SYT13: variants seen among roughly 807,000 people sequenced by gnomAD.
SYT13 encodes the protein synaptotagmin 13, also known as synaptotagmin-13.
SYT13 carries 21 observed loss-of-function variants against 38.6 expected under a neutral mutation model. That is an observed-to-expected ratio of 0.54 (90% CI 0.39 to 0.78). The LOEUF (loss-of-function observed/expected upper bound fraction) is 0.78, where lower values mean the gene tolerates loss of function less well. Ranked by LOEUF, SYT13 falls within the 30% of genes least tolerant of loss-of-function variation. The probability of loss-of-function intolerance (pLI) is 0.00; values close to 1 mark genes in which losing one functional copy is unlikely to be tolerated. For missense variants in SYT13, 495 were observed against 548.7 expected, an observed-to-expected ratio of 0.90 and a Z score of 0.98; for synonymous variants, 241 against 237.6, an observed-to-expected ratio of 1.01 and a Z score of -0.13.
At chr11:45,282,269 C>G (rs1029409740) in intron 1 of SYT13, among the ~76,000 whole-genome samples, 1 of 152,212 alleles carries the variant, frequency 6.6e-6, no homozygotes, top group Non-Finnish European at 1.5e-5. Flanking sequence ...CGTAGTAAAA[C>G]TGAATTCCTT....
chr11:45,274,610 T>C (rs973535439), intron 1 of SYT13, among the ~76,000 whole-genome samples: 1 of 152,192 alleles, frequency 6.6e-6, no homozygotes, highest in African/African-American at 2.4e-5. Context: ...CATTCAGAAA[T>C]GCAGAATAAG....
chr11:45,247,401 C>T (rs964483686), intron 4 of SYT13, among the ~76,000 whole-genome samples: 1 of 152,174 alleles, frequency 6.6e-6, no homozygotes, highest in South Asian at 2.1e-4. Context: ...AAGGAAGAGG[C>T]AGATGTGTGG....
chr11:45,278,132 A>T (rs542390703), intron 1 of SYT13, among the ~76,000 whole-genome samples: 13 of 152,298 alleles, frequency 8.5e-5, no homozygotes, highest in African/African-American at 3.1e-4. Context: ...CTTTGTGTGC[A>T]CGTGTGTTGA....
intron 5 of SYT13, 105 bp from the exon 6 acceptor site, chr11:45,244,461 T>G: frequency 7.3e-7 from 1 of 1,366,698 alleles, no homozygotes. Flanking sequence ...GCTGGAAAGA[T>G]GCTCAAGAGT....
chr11:45,266,298 G>A (rs2135901437), intron 1 of SYT13, among the ~76,000 whole-genome samples: 1 of 152,226 alleles, frequency 6.6e-6, no homozygotes, highest in African/African-American at 2.4e-5. Flanking sequence ...CGTACTCTAG[G>A]GAAGAGGAAG....
chr11:45,263,294 C>T (rs978834401), intron 1 of SYT13, among the ~76,000 whole-genome samples: 4 of 152,190 alleles, frequency 2.6e-5, no homozygotes, highest in African/African-American at 9.7e-5. Flanking sequence ...TGTTGGAAAA[C>T]CAAAACTTAA....
At chr11:45,272,219 A>G (rs1490715681) in intron 1 of SYT13, among the ~76,000 whole-genome samples, 1 of 152,186 alleles carries the variant, frequency 6.6e-6, no homozygotes, top group Non-Finnish European at 1.5e-5. Context: ...GGGGAGGGAT[A>G]GCATTAGGAG....
intron 1 of SYT13, among the ~76,000 whole-genome samples, chr11:45,265,300 C>G (rs2902431): frequency 0.013 from 2,021 of 152,336 alleles, 41 homozygotes; most frequent in African/African-American, 0.046. Context: ...ACAATTTGGC[C>G]GCTCAGGCGA....
At chr11:45,259,148 C>T (rs1375328345) in intron 1 of SYT13, among the ~76,000 whole-genome samples, 1 of 152,134 alleles carries the variant, frequency 6.6e-6, no homozygotes, top group Admixed American at 6.5e-5. Flanking sequence ...TCTCAGGGGC[C>T]CACCCACTGC....
chr11:45,243,947 ATC>A lies in SYT13; in HGVS notation c.*103_*104del. On this transcript the variant is annotated 3_prime_UTR_variant, in exon 6 of 6. Transcript: ENST00000020926. ...AGAGCCATCCCAGCCTTGCAAACAC[ATC>A]TGTCACTGTCTTCTGGGTGTCAGAA... is the stretch of plus-strand genomic sequence containing the variant. The A allele has an allele frequency of 8.1e-7, 1 of 1,239,052 alleles. No individual in the cohort carries two copies. Among genetic ancestry groups the A allele is most frequent in the South Asian group, 1.4e-5 (1 of 69,274 alleles). The allele number at this position is 1,239,052 out of a possible 1,614,324, so 76.8% of individuals were successfully genotyped here.
At chr11:45,246,619 A>C in intron 4 of SYT13, 107 bp from the exon 5 acceptor site, 1 of 1,463,622 alleles carries the variant, frequency 6.8e-7, no homozygotes, top group South Asian at 1.4e-5. Flanking sequence ...TCCAACACGC[A>C]TCCTTGAAAC....
At chr11:45,254,898 G>A (rs1164839688) in intron 2 of SYT13, among the ~76,000 whole-genome samples, 2 of 152,096 alleles carry the variant, frequency 1.3e-5, no homozygotes, top group Non-Finnish European at 2.9e-5. Flanking sequence ...AAGACCACTT[G>A]AGCCCAGGAA....
At chr11:45,269,862 A>G (rs1014570539) in intron 1 of SYT13, among the ~76,000 whole-genome samples, 1 of 152,260 alleles carries the variant, frequency 6.6e-6, no homozygotes, top group Non-Finnish European at 1.5e-5. Context: ...GTGTCACATC[A>G]TTAGATGTCA....
chr11:45,256,970 C>T (rs1350084431), intron 1 of SYT13, among the ~76,000 whole-genome samples: 1 of 152,148 alleles, frequency 6.6e-6, no homozygotes, highest in Non-Finnish European at 1.5e-5. Flanking sequence ...GGTGTCAGCT[C>T]ACAGGGAGCA....
chr11:45,248,925 TC>T (rs1167242059), intron 4 of SYT13, among the ~76,000 whole-genome samples: 2 of 152,236 alleles, frequency 1.3e-5, no homozygotes, highest in Non-Finnish European at 2.9e-5. Flanking sequence ...ACTAAAGTAA[TC>T]CTTTCTTTCT....
In SYT13 at chr11:45,279,140, G is replaced by A. The variant is rs1463295810; in HGVS notation, c.183+6885C>T. On this transcript the variant is annotated intron_variant, in intron 1 of 5. Coordinates refer to ENST00000020926, the MANE Select transcript of SYT13 (RefSeq NM_020826.3). The stretch of plus-strand genomic sequence containing the variant: ...CTAATCTTCAACCTAGTCGTCAAAA[G>A]TGTGGGCTCTGAAGCCAAATTTTGT... Among the ~76,000 whole-genome samples, 3 of 152,220 alleles carry A rather than the reference G, an allele frequency of 2.0e-5. No individual in the cohort carries two copies. The East Asian group carries it at 5.8e-4, about 29-fold the overall frequency.
In SYT13 at chr11:45,243,184, A is replaced by C. The variant is rs1184733475; in HGVS notation, c.*868T>G. ...GGGATGGTCTCCCCAAGGATAATAG[A>C]AACTGATTTTAAGATAAAAACAATA... On this transcript the variant is annotated 3_prime_UTR_variant, in exon 6 of 6. Transcript: ENST00000020926. The C allele has an allele frequency of 6.6e-6, 1 of 152,266 alleles. No homozygotes were observed. Among genetic ancestry groups the C allele is most frequent in the Non-Finnish European group, 1.5e-5 (1 of 68,044 alleles). 9.4% of individuals were successfully genotyped at this position (152,266 alleles called of 1,614,324 possible). A position where few individuals can be genotyped will look rare whatever the true frequency, so the allele number is the denominator to read the frequency against.
At chr11:45,280,742 T>A (rs1227749173) in intron 1 of SYT13, among the ~76,000 whole-genome samples, 1 of 152,228 alleles carries the variant, frequency 6.6e-6, no homozygotes, top group East Asian at 1.9e-4. Context: ...CTCCTTTGTG[T>A]CTTCCCTCTC....
At chr11:45,248,515 G>A (rs1283823804) in intron 4 of SYT13, among the ~76,000 whole-genome samples, 2 of 152,202 alleles carry the variant, frequency 1.3e-5, no homozygotes, top group Admixed American at 6.5e-5. Flanking sequence ...TTGGAAAGGA[G>A]GTCCAGTCTG....
Sources: gnomAD v4.1 joint callset for allele counts (sites outside exome capture counted in the v4.1 genomes callset) on GRCh38, gnomAD v4.1.1 for gene constraint, MANE v1.5 for transcripts, NCBI Gene and HGNC (gene_info 2026-07-23, HGNC 2026-07-21) for gene names.